The following LRRC37A2 variants were observed in gnomAD, a reference collection of about 807,000 sequenced individuals.
LRRC37A2 encodes leucine rich repeat containing 37 member A2, also known as leucine-rich repeat-containing protein 37A2.
LRRC37A2 carries 9 observed loss-of-function variants against 68.8 expected under a neutral mutation model. The ratio of observed to expected loss-of-function variants is 0.13; its 90% CI spans 0.08 to 0.23. The LOEUF (loss-of-function observed/expected upper bound fraction) is 0.23. Among genes scored for constraint, LRRC37A2 ranks in the 10% least tolerant of loss-of-function variants. LRRC37A2 has a pLI of 1.00. For synonymous variants in LRRC37A2, 63 were observed against 367.6 expected (o/e 0.17, Z 9.48); for missense variants, 168 against 950.4 (o/e 0.18, Z 10.82).
chr17:46,985,389 G>A, the LRRC37A2 span, among the ~76,000 whole-genome samples: 1 of 152,038 alleles, frequency 6.6e-6, no homozygotes. Context: ...GCGTGGTGGT[G>A]CACGCCTGTA....
At chr17:46,837,566 G>A in the LRRC37A2 span, among the ~76,000 whole-genome samples, 1 of 152,200 alleles carries the variant, frequency 6.6e-6, no homozygotes, top group African/African-American at 2.4e-5. Context: ...GCCCAGGGAG[G>A]CTGTGTGACC....
chr17:46,883,080 G>A, the LRRC37A2 span, among the ~76,000 whole-genome samples: 3 of 151,922 alleles, frequency 2.0e-5, no homozygotes, highest in African/African-American at 7.3e-5. Context: ...CCAGGTTCAT[G>A]CCATTCTCCT....
the LRRC37A2 span, among the ~76,000 whole-genome samples, chr17:46,792,632 C>G: frequency 6.6e-6 from 1 of 152,092 alleles, no homozygotes; most frequent in East Asian, 1.9e-4. Context: ...TGCCACCACA[C>G]CTGGCTAATT....
At chr17:46,769,313 C>G in the LRRC37A2 span, among the ~76,000 whole-genome samples, 2 of 88,702 alleles carry the variant, frequency 2.3e-5, no homozygotes, top group African/African-American at 1.0e-4. Flanking sequence ...GAGACTCCGT[C>G]TCAAAAAAAA....
the LRRC37A2 span, among the ~76,000 whole-genome samples, chr17:46,392,421 CTTTCTTTCTCT>C: frequency 7.1e-4 from 41 of 57,456 alleles, no homozygotes; most frequent in Non-Finnish European, 1.4e-3. Context: ...CTCTCTCTCT[CTTTCTTTCTCT>C]CTTTCTTTCT....
the LRRC37A2 span, chr17:46,721,679 T>G: frequency 6.2e-7 from 1 of 1,604,894 alleles, no homozygotes. Flanking sequence ...CACATTGTTC[T>G]GCTGTGCTTT....
At chr17:46,491,064 T>G in the LRRC37A2 span, among the ~76,000 whole-genome samples, 1 of 150,600 alleles carries the variant, frequency 6.6e-6, no homozygotes, top group African/African-American at 2.5e-5. Context: ...CCAGCTAATT[T>G]TTTGTATTTT....
the LRRC37A2 span, among the ~76,000 whole-genome samples, chr17:46,840,212 G>A: frequency 4.0e-5 from 6 of 151,566 alleles, no homozygotes; most frequent in Non-Finnish European, 5.9e-5. Flanking sequence ...TTAGCCTCCC[G>A]AGTAGCTGGT....
the LRRC37A2 span, among the ~76,000 whole-genome samples, chr17:46,847,081 A>G: frequency 5.3e-5 from 8 of 152,222 alleles, no homozygotes; most frequent in African/African-American, 1.9e-4. Context: ...CATTCTTGTC[A>G]TAGAAAACTA....
chr17:46,946,233 C>T, the LRRC37A2 span, among the ~76,000 whole-genome samples: 1 of 146,172 alleles, frequency 6.8e-6, no homozygotes, highest in African/African-American at 2.6e-5. Flanking sequence ...GTCAGGAGTT[C>T]GAGACCAGCC....
chr17:46,883,281 CT>C, the LRRC37A2 span, among the ~76,000 whole-genome samples: 222 of 142,450 alleles, frequency 1.6e-3, no homozygotes, highest in Middle Eastern at 0.019. Context: ...TGCGCCCGGC[CT>C]TTTTTTTTTT....
chr17:47,018,907 C>A, the LRRC37A2 span: 5 of 1,519,444 alleles, frequency 3.3e-6, no homozygotes, highest in African/African-American at 6.9e-5. Context: ...GAGACCCCAA[C>A]TCAGCCTCCT....
chr17:46,763,692 TAC>T, the LRRC37A2 span: 2 of 152,066 alleles, frequency 1.3e-5, no homozygotes, highest in Non-Finnish European at 2.9e-5. Context: ...GAGTTATTTG[TAC>T]AGAGAATCTG....
the LRRC37A2 span, among the ~76,000 whole-genome samples, chr17:46,795,440 C>A: frequency 6.6e-6 from 1 of 152,238 alleles, no homozygotes; most frequent in East Asian, 1.9e-4. Flanking sequence ...GAAGACCAGC[C>A]GGCCCGTGGG....
chr17:46,756,977 C>G, the LRRC37A2 span: 6 of 152,284 alleles, frequency 3.9e-5, no homozygotes, highest in African/African-American at 1.2e-4. Flanking sequence ...GGTGATGAGA[C>G]TTATGGAGTG....
chr17:46,723,122 T>G, the LRRC37A2 span, among the ~76,000 whole-genome samples: 3 of 152,300 alleles, frequency 2.0e-5, no homozygotes, highest in East Asian at 5.8e-4. Context: ...TCATCATTAG[T>G]TTAGACCTAA....
At chr17:46,719,722 C>T in the LRRC37A2 span, among the ~76,000 whole-genome samples, 4 of 152,088 alleles carry the variant, frequency 2.6e-5, no homozygotes, top group African/African-American at 9.7e-5. This position sits in a 1 kb window ranked among gnomAD's most constrained non-coding sequence, Gnocchi z 4.3. Context: ...ATCTATTTTA[C>T]TAGTTCTATT....
chr17:46,528,682 T>G, intron 6 of LRRC37A2: 1 of 590,898 alleles, frequency 1.7e-6, no homozygotes, highest in Non-Finnish European at 2.9e-6. Context: ...ATCACACCAC[T>G]GCACTGCACT....
At chr17:46,980,589 G>C in the LRRC37A2 span, among the ~76,000 whole-genome samples, 1 of 150,496 alleles carries the variant, frequency 6.6e-6, no homozygotes, top group African/African-American at 2.4e-5. Context: ...TTGAGAGGCC[G>C]AGGCGGGTGG....
Sources: gnomAD v4.1 joint callset for allele counts (sites outside exome capture counted in the v4.1 genomes callset) on GRCh38, gnomAD v4.1.1 for gene constraint, Gnocchi (gnomAD v3.1) non-coding constraint, MANE v1.5 for transcripts, NCBI Gene and HGNC (gene_info 2026-07-23, HGNC 2026-07-21) for gene names.